Variants in OTUD7A observed in about 807,000 individuals in gnomAD.
OTUD7A encodes OTU deubiquitinase 7A.
Under a neutral mutation model 65.7 loss-of-function variants are expected in OTUD7A, and 12 were observed. That is an observed-to-expected ratio of 0.18 (90% CI 0.12 to 0.30). The LOEUF (loss-of-function observed/expected upper bound fraction) is 0.30. Among genes scored for constraint, OTUD7A ranks in the 10% least tolerant of loss-of-function variants. OTUD7A has a pLI of 1.00. For synonymous variants in OTUD7A, 641 were observed against 586.3 expected, an observed-to-expected ratio of 1.09 and a Z score of -1.35; for missense variants, 1,148 against 1,304.8, an observed-to-expected ratio of 0.88 and a Z score of 1.85.
At chr15:31,560,396 T>C (rs1354451107) in intron 4 of OTUD7A, among the ~76,000 whole-genome samples, 1 of 152,236 alleles carries the variant, frequency 6.6e-6, no homozygotes, top group Non-Finnish European at 1.5e-5. Context: ...AGAAACGCAG[T>C]GTAGGATTTC....
intron 6 of OTUD7A, among the ~76,000 whole-genome samples, chr15:31,529,917 A>T (rs915744435): frequency 3.3e-5 from 5 of 152,206 alleles, no homozygotes; most frequent in African/African-American, 1.2e-4. Context: ...ACCGGCCCTG[A>T]TGGTCCCTGG....
intron 1 of OTUD7A, among the ~76,000 whole-genome samples, chr15:31,774,556 T>C (rs968278432): frequency 6.6e-6 from 1 of 152,168 alleles, no homozygotes; most frequent in African/African-American, 2.4e-5. Context: ...TCCAGCACAC[T>C]CTGTTAATGA....
rs965084366 is a variant in OTUD7A, at chr15:31,478,085, G to A, written c.*5209C>T. 2.6e-5 allele frequency: 4 copies of A among 152,272 alleles called. No homozygotes were observed. The highest frequency in any genetic ancestry group is 7.2e-5 in the African/African-American group (3 of 41,438). 9.4% of individuals were successfully genotyped at this position (152,272 alleles called of 1,614,324 possible). ...TGCCTGTGACTAGAAACGGCAGGAA[G>A]GCCTACGTCCCAGGGCAGAGCAGCA... On this transcript the variant is annotated 3_prime_UTR_variant, in exon 13 of 13. Coordinates refer to ENST00000307050, the MANE Select transcript of OTUD7A (RefSeq NM_001382637.1).
intron 1 of OTUD7A, among the ~76,000 whole-genome samples, chr15:31,659,041 G>GAATGAATA (rs1334228270): frequency 2.1e-4 from 26 of 125,576 alleles, no homozygotes; most frequent in African/African-American, 3.8e-4. Context: ...ATGAATGAAT[G>GAATGAATA]AATAAATAAA....
At chr15:31,588,186 T>C (rs1380393747) in intron 3 of OTUD7A, among the ~76,000 whole-genome samples, 1 of 152,202 alleles carries the variant, frequency 6.6e-6, no homozygotes, top group Non-Finnish European at 1.5e-5. Context: ...TGGAATGCTA[T>C]GTGGCAATGA....
At chr15:31,572,103 A>G (rs1187869937) in intron 3 of OTUD7A, among the ~76,000 whole-genome samples, 2 of 152,228 alleles carry the variant, frequency 1.3e-5, no homozygotes, top group African/African-American at 2.4e-5. Context: ...TAAGTTTTAA[A>G]GCCAAATATT....
intron 1 of OTUD7A, among the ~76,000 whole-genome samples, chr15:31,861,310 C>T (rs550015536): frequency 1.3e-5 from 2 of 152,244 alleles, no homozygotes; most frequent in Admixed American, 6.5e-5. Flanking sequence ...TCTCTAGTCA[C>T]TAGTCAACGG....
intron 1 of OTUD7A, among the ~76,000 whole-genome samples, chr15:31,664,654 T>C (rs1307964803): frequency 1.3e-5 from 2 of 152,230 alleles, no homozygotes; most frequent in Non-Finnish European, 2.9e-5. Context: ...AAAAGCTCTT[T>C]AGTTTAATTA....
intron 1 of OTUD7A, among the ~76,000 whole-genome samples, chr15:31,672,173 AACCTAAGTAGCAC>A (rs1246458844): frequency 6.6e-6 from 1 of 152,222 alleles, no homozygotes; most frequent in Non-Finnish European, 1.5e-5. Context: ...GCTCTGGATT[AACCTAAGTAGCAC>A]CAGGGCCATT....
At chr15:31,561,992 C>G (rs1888707396) in intron 4 of OTUD7A, among the ~76,000 whole-genome samples, 3 of 152,112 alleles carry the variant, frequency 2.0e-5, no homozygotes, top group Admixed American at 6.5e-5. Context: ...GATGTATTAA[C>G]TATATATTCT....
chr15:31,662,642 T>C lies in OTUD7A; in HGVS notation c.-99-5565A>G, dbSNP rs551677833. 3.9e-5 allele frequency among the ~76,000 whole-genome samples: 6 copies of C among 152,344 alleles called. No individual in the cohort carries two copies. In the South Asian group the frequency reaches 1.2e-3, roughly 32 times the overall value. On this transcript the variant is annotated intron_variant, in intron 1 of 12. Transcript: ENST00000307050. ...AACTATGAGTCTTTTTTATTGAGAATGGTTTTTCAAGACCACAATCTGAAT... is the reference window on the plus strand; with the variant it reads ...AACTATGAGTCTTTTTTATTGAGAACGGTTTTTCAAGACCACAATCTGAAT...
At chr15:31,768,640 C>T (rs1179758648) in intron 1 of OTUD7A, among the ~76,000 whole-genome samples, 1 of 150,294 alleles carries the variant, frequency 6.7e-6, no homozygotes, top group Non-Finnish European at 1.5e-5. Flanking sequence ...GCCTAGGTGA[C>T]AGAGACCCCA....
At chr15:31,864,369 G>A (rs4779931) in intron 1 of OTUD7A, among the ~76,000 whole-genome samples, 60,627 of 152,050 alleles carry the variant, frequency 0.4, 14,448 homozygotes, top group Non-Finnish European at 0.52. Flanking sequence ...AGACATATGC[G>A]AAACTGGGAA....
rs116066511 is a variant in OTUD7A, at chr15:31,591,147, C to T, written c.152-20950G>A. On this transcript the variant is annotated intron_variant, in intron 3 of 12. Coordinates refer to ENST00000307050, the MANE Select transcript of OTUD7A (RefSeq NM_001382637.1). Reference sequence around the variant, plus strand: ...AGGGAGGGCAATATGGGGCATAGAACATAGAAAGGCTCAGAGGCTTGCAAA... The same window carrying T: ...AGGGAGGGCAATATGGGGCATAGAATATAGAAAGGCTCAGAGGCTTGCAAA... Among the ~76,000 whole-genome samples, 513 of 152,094 alleles carry T rather than the reference C, an allele frequency of 3.4e-3. 5 individuals are homozygous for T. The highest frequency in any genetic ancestry group is 0.012 in the African/African-American group (496 of 41,490).
chr15:31,563,719 C>T (rs748183631), intron 4 of OTUD7A, among the ~76,000 whole-genome samples: 1 of 152,204 alleles, frequency 6.6e-6, no homozygotes, highest in Non-Finnish European at 1.5e-5. Context: ...GCGGTTACAC[C>T]AGAGCAGGGC....
At chr15:31,619,807 G>A (rs1361007332) in intron 3 of OTUD7A, among the ~76,000 whole-genome samples, 2 of 152,130 alleles carry the variant, frequency 1.3e-5, no homozygotes, top group Non-Finnish European at 2.9e-5. Flanking sequence ...ACACTATGTT[G>A]AATAGGAATG....
intron 1 of OTUD7A, among the ~76,000 whole-genome samples, chr15:31,811,646 G>A (rs1360797707): frequency 6.6e-6 from 1 of 152,100 alleles, no homozygotes; most frequent in Non-Finnish European, 1.5e-5. Flanking sequence ...CACTCCCGGG[G>A]CTCCGGGTGC....
chr15:31,503,891 C>G lies in OTUD7A; in HGVS notation c.894-73G>C, dbSNP rs896699218. On this transcript the variant is annotated intron_variant, in intron 8 of 12. Transcript: ENST00000307050. ...AGGATGGAGAAAGTGGGGACTGCTT[C>G]ATGCAGGGGCTGAGCCCTCCCCACT... 5 of 1,562,996 alleles carry G rather than the reference C, an allele frequency of 3.2e-6. No homozygotes were observed. In the African/African-American group the frequency reaches 6.8e-5, roughly 21 times the overall value.
At chr15:31,613,939 A>G (rs1044888925) in intron 3 of OTUD7A, among the ~76,000 whole-genome samples, 3 of 152,216 alleles carry the variant, frequency 2.0e-5, no homozygotes, top group Non-Finnish European at 2.9e-5. Flanking sequence ...GTGTATATAT[A>G]TATGTATACA....
Sources: allele counts gnomAD v4.1 joint callset (sites outside exome capture counted in the v4.1 genomes callset), GRCh38; gene constraint gnomAD v4.1.1; transcripts MANE v1.5; gene names NCBI Gene and HGNC (gene_info 2026-07-23, HGNC 2026-07-21).